The following RBMS3 variants were observed in gnomAD, a reference collection of about 807,000 sequenced individuals.
RBMS3 encodes the protein RNA-binding motif, single-stranded-interacting protein 3.
In RBMS3, 27 loss-of-function variants were observed where a neutral mutation model predicts 66.8. The ratio of observed to expected loss-of-function variants is 0.40; its 90% confidence interval spans 0.30 to 0.56. The LOEUF (loss-of-function observed/expected upper bound fraction) is 0.56, where lower values mean the gene tolerates loss of function less well. Among genes scored for constraint, RBMS3 ranks in the 20% least tolerant of loss-of-function variants. RBMS3 has a pLI of 0.40. For synonymous variants in RBMS3, 188 were observed against 183.0 expected, an observed-to-expected ratio of 1.03 and a Z score of -0.22; for missense variants, 513 against 549.5, an observed-to-expected ratio of 0.93 and a Z score of 0.66.
intron 4 of RBMS3, among the ~76,000 whole-genome samples, chr3:29,701,887 C>A (rs527537327): frequency 2.0e-5 from 3 of 150,278 alleles, no homozygotes; most frequent in Non-Finnish European, 4.4e-5. Flanking sequence ...CACGGCGCCG[C>A]CCGGTCCCAT....
chr3:29,561,540 C>T (rs1434804949), intron 3 of RBMS3, among the ~76,000 whole-genome samples: 1 of 152,146 alleles, frequency 6.6e-6, no homozygotes, highest in Non-Finnish European at 1.5e-5. Flanking sequence ...GCAACCTCTG[C>T]CTCATTGGTT....
intron 4 of RBMS3, among the ~76,000 whole-genome samples, chr3:29,713,600 C>T (rs749196633): frequency 8.5e-5 from 13 of 152,118 alleles, no homozygotes; most frequent in Non-Finnish European, 1.5e-4. Context: ...CTTCTCTAGT[C>T]CTGCCTCTCC....
At chr3:29,355,246 T>G (rs2037150887) in intron 1 of RBMS3, among the ~76,000 whole-genome samples, 1 of 152,116 alleles carries the variant, frequency 6.6e-6, no homozygotes, top group Non-Finnish European at 1.5e-5. Flanking sequence ...ACATAACTGG[T>G]TTTCACTTTT....
At position 29,487,518 on chromosome 3, in the gene RBMS3, G is replaced by C. The variant is rs148850999; in HGVS notation, c.249-923G>C. On this transcript the variant is annotated intron_variant, in intron 2 of 14. Coordinates refer to ENST00000383767, the MANE Select transcript of RBMS3 (RefSeq NM_001003793.3). ...AGTAATGTTTGAAGCTTTGGGGACAGAATCTTTACCCCCTTCCACTTCTCA... is the reference window on the plus strand; with the variant it reads ...AGTAATGTTTGAAGCTTTGGGGACACAATCTTTACCCCCTTCCACTTCTCA... 1.8e-4 allele frequency among the ~76,000 whole-genome samples: 27 copies of C among 152,238 alleles called. 1 individual carries two copies. The East Asian group carries it at 5.2e-3, about 29-fold the overall frequency.
chr3:29,992,193 T>G (rs777062079), intron 14 of RBMS3, among the ~76,000 whole-genome samples: 1 of 152,192 alleles, frequency 6.6e-6, no homozygotes, highest in Non-Finnish European at 1.5e-5. Context: ...ATAATTTTTC[T>G]TATTAAAGAA....
chr3:29,478,396 G>A (rs1171808777), intron 2 of RBMS3, among the ~76,000 whole-genome samples: 1 of 152,108 alleles, frequency 6.6e-6, no homozygotes, highest in Non-Finnish European at 1.5e-5. Flanking sequence ...GTCCTCACAT[G>A]ATGGAAGTGA....
chr3:29,386,904 T>G (rs1047944576), intron 1 of RBMS3, among the ~76,000 whole-genome samples: 1 of 152,196 alleles, frequency 6.6e-6, no homozygotes. Context: ...AATGGACCAT[T>G]CCCATTTTTC....
At chr3:29,308,967 G>A (rs1182089323) in intron 1 of RBMS3, among the ~76,000 whole-genome samples, 1 of 151,612 alleles carries the variant, frequency 6.6e-6, no homozygotes, top group African/African-American at 2.4e-5. Context: ...CCTAACATTG[G>A]TTAAGACAGT....
At chr3:29,295,001 C>T (rs1288717405) in intron 1 of RBMS3, among the ~76,000 whole-genome samples, 2 of 151,542 alleles carry the variant, frequency 1.3e-5, no homozygotes, top group Non-Finnish European at 2.9e-5. Flanking sequence ...CACAATTTCC[C>T]TGTACAATTA....
At chr3:29,865,404 G>T (rs976835288) in intron 6 of RBMS3, among the ~76,000 whole-genome samples, 1 of 152,038 alleles carries the variant, frequency 6.6e-6, no homozygotes, top group African/African-American at 2.4e-5. Context: ...ACCCAAAGAC[G>T]TATAAAAGGT....
At chr3:29,466,465 AT>A (rs889921522) in intron 2 of RBMS3, among the ~76,000 whole-genome samples, 127 of 151,828 alleles carry the variant, frequency 8.4e-4, no homozygotes, top group African/African-American at 2.7e-3. Context: ...AATATTTAAG[AT>A]TTTTTTTTAG....
chr3:29,835,393 A>G (rs1192862136), intron 6 of RBMS3, among the ~76,000 whole-genome samples: 1 of 152,004 alleles, frequency 6.6e-6, no homozygotes, highest in South Asian at 2.1e-4. Context: ...TCCACAAAAC[A>G]ATTGTTAAGT....
chr3:29,434,883 C>T lies in RBMS3; in HGVS notation c.216C>T (p.Thr72=), dbSNP rs201604516. The T allele has an allele frequency of 8.1e-6, 13 of 1,614,056 alleles. No individual in the cohort carries two copies. Among genetic ancestry groups the T allele is most frequent in the Non-Finnish European group, 1.7e-6 (2 of 1,179,966 alleles). ...NLYIRGLPPG[T]TDQDLIKLCQ... is the part of the protein sequence containing the mutation. ...ACATTCGAGGCCTCCCACCAGGCACCACTGACCAGGACCTAATCAAGCTGT... is the reference window on the plus strand; with the variant it reads ...ACATTCGAGGCCTCCCACCAGGCACTACTGACCAGGACCTAATCAAGCTGT... The change falls in exon 2 of 15, where the codon ACC becomes ACT. Residue 72 remains threonine (T), a synonymous_variant. Transcript: ENST00000383767.
chr3:29,751,107 C>T (rs72846816), intron 5 of RBMS3, among the ~76,000 whole-genome samples: 2,041 of 152,042 alleles, frequency 0.013, 60 homozygotes, highest in African/African-American at 0.047. Flanking sequence ...AATCAAGGGA[C>T]CTAATAAAGA....
chr3:29,392,865 G>T (rs1241432872), intron 1 of RBMS3, among the ~76,000 whole-genome samples: 7 of 151,498 alleles, frequency 4.6e-5, no homozygotes, highest in African/African-American at 1.7e-4. Flanking sequence ...CACTGCAGTT[G>T]CCCTTTGCCA....
intron 6 of RBMS3, among the ~76,000 whole-genome samples, chr3:29,849,233 A>C (rs1034003857): frequency 6.6e-6 from 1 of 150,780 alleles, no homozygotes. Flanking sequence ...AAGCAGGCCA[A>C]TGTTGAGCGT....
At chr3:29,537,491 T>G (rs1192778840) in intron 3 of RBMS3, 6 of 152,170 alleles carry the variant, frequency 3.9e-5, no homozygotes, top group South Asian at 2.1e-4. Context: ...AAAGAACGAT[T>G]GAGCCATTGT....
At chr3:29,721,881 T>G (rs1400405344) in intron 4 of RBMS3, among the ~76,000 whole-genome samples, 1 of 152,182 alleles carries the variant, frequency 6.6e-6, no homozygotes, top group Non-Finnish European at 1.5e-5. Context: ...CTTCATTCTC[T>G]CTGTACACAC....
intron 6 of RBMS3, among the ~76,000 whole-genome samples, chr3:29,850,359 A>G (rs548315367): frequency 1.3e-5 from 2 of 152,262 alleles, no homozygotes; most frequent in East Asian, 3.9e-4. Flanking sequence ...ATCTTTATTG[A>G]GGTTACATAA....
Sources: gnomAD v4.1 joint callset for allele counts (sites outside exome capture counted in the v4.1 genomes callset) on GRCh38, gnomAD v4.1.1 for gene constraint, MANE v1.5 for transcripts, NCBI Gene and HGNC (gene_info 2026-07-23, HGNC 2026-07-21) for gene names.